CD53: variants seen among roughly 807,000 people sequenced by gnomAD.
CD53 encodes the protein CD53 molecule.
A neutral mutation model predicts 27.3 loss-of-function variants in CD53; 20 were observed. That is an observed-to-expected ratio of 0.73 (90% CI 0.52 to 1.07). The LOEUF (loss-of-function observed/expected upper bound fraction) is 1.07, where lower values mean the gene tolerates loss of function less well. Ranked by LOEUF, CD53 falls within the 50% of genes least tolerant of loss-of-function variation. The pLI, the probability that CD53 is intolerant of heterozygous loss-of-function variation, is 0.00. For synonymous variants in CD53, 106 were observed against 105.3 expected (o/e 1.01, Z -0.04); for missense variants, 216 against 264.0 (o/e 0.82, Z 1.26).
intron 1 of CD53, among the ~76,000 whole-genome samples, chr1:110,883,203 T>C (rs981303425): frequency 1.3e-5 from 2 of 151,996 alleles, no homozygotes; most frequent in South Asian, 4.1e-4. Context: ...CCTTCATAAA[T>C]GCCTTTTATA....
chr1:110,891,309 G>C (rs1656842851), intron 1 of CD53, 83 bp from the exon 2 acceptor site: 9 of 957,544 alleles, frequency 9.4e-6, no homozygotes, highest in Non-Finnish European at 1.5e-5. Flanking sequence ...GGTAATGCTA[G>C]AGATCCCTGA....
intron 6 of CD53, 167 bp from the exon 7 acceptor site, chr1:110,897,642 C>T (rs1386755605): frequency 8.3e-6 from 4 of 479,272 alleles, no homozygotes; most frequent in Non-Finnish European, 1.1e-5. Context: ...TTTAATATTT[C>T]CCACCTTATG....
chr1:110,898,175 A>G (rs1015557227), intron 7 of CD53, among the ~76,000 whole-genome samples: 5 of 152,116 alleles, frequency 3.3e-5, no homozygotes, highest in Non-Finnish European at 5.9e-5. Flanking sequence ...CAGGAGATCA[A>G]GACCATCCTG....
chr1:110,896,598 C>T (rs1479837618), intron 5 of CD53, 55 bp from the exon 6 acceptor site: 2 of 1,546,428 alleles, frequency 1.3e-6, no homozygotes, highest in African/African-American at 2.7e-5. Context: ...AGGTCCACAG[C>T]TTTTTTTCAC....
chr1:110,889,509 G>C (rs1656763059), intron 1 of CD53, among the ~76,000 whole-genome samples: 1 of 152,052 alleles, frequency 6.6e-6, no homozygotes, highest in African/African-American at 2.4e-5. Flanking sequence ...AGTGAGCTGA[G>C]ATCATGCCAC....
chr1:110,889,330 G>T (rs1656753919), intron 1 of CD53, among the ~76,000 whole-genome samples: 1 of 151,910 alleles, frequency 6.6e-6, no homozygotes, highest in Admixed American at 6.6e-5. Context: ...GCTGAGACGG[G>T]TAGATCACCA....
At chr1:110,881,565 A>T (rs534441151) in intron 1 of CD53, among the ~76,000 whole-genome samples, 2 of 152,172 alleles carry the variant, frequency 1.3e-5, no homozygotes, top group Non-Finnish European at 2.9e-5. Context: ...AAAACTATGA[A>T]CCTTCCTGTA....
At chr1:110,883,895 T>C (rs1168700564) in intron 1 of CD53, among the ~76,000 whole-genome samples, 1 of 152,016 alleles carries the variant, frequency 6.6e-6, no homozygotes, top group African/African-American at 2.4e-5. Flanking sequence ...AATCCTAATA[T>C]TGATAATCTT....
intron 1 of CD53, among the ~76,000 whole-genome samples, chr1:110,876,059 A>G (rs992128818): frequency 6.6e-6 from 1 of 152,234 alleles, no homozygotes; most frequent in Non-Finnish European, 1.5e-5. Flanking sequence ...ATCATTTAAA[A>G]TGAGAGTGCT....
chr1:110,894,493 A>G (rs1475131049), intron 4 of CD53, 92 bp downstream of exon 4: 5 of 962,728 alleles, frequency 5.2e-6, no homozygotes, highest in African/African-American at 1.6e-5. Flanking sequence ...AATAAGTTCT[A>G]TAATAGAGAT....
At chr1:110,891,540 T>A in intron 2 of CD53, 69 bp downstream of exon 2, 13 of 1,207,646 alleles carry the variant, frequency 1.1e-5, no homozygotes, top group Non-Finnish European at 1.5e-5. Context: ...ATTCCTCTAC[T>A]GAAGAGGCTG....
intron 1 of CD53, among the ~76,000 whole-genome samples, chr1:110,879,241 C>A (rs1196374947): frequency 2.6e-5 from 4 of 152,072 alleles, no homozygotes; most frequent in African/African-American, 4.8e-5. Flanking sequence ...ACTGAGCCAT[C>A]CTGGAAATAG....
intron 1 of CD53, among the ~76,000 whole-genome samples, chr1:110,884,050 G>T (rs1176188114): frequency 6.6e-6 from 1 of 151,702 alleles, no homozygotes; most frequent in Non-Finnish European, 1.5e-5. Flanking sequence ...ACTTCCTTCT[G>T]CTTATTTTGG....
In CD53 at chr1:110,896,221, C is replaced by T. The variant is rs546961419; in HGVS notation, c.424-432C>T. 3.9e-5 allele frequency among the ~76,000 whole-genome samples: 6 copies of T among 152,282 alleles called. No individual in the cohort carries two copies. In the South Asian group the frequency reaches 1.0e-3, roughly 26 times the overall value. ...CAGGGAGTCTCTGTCTCCCATAAGCCCCATGAACTTAAAAGTTTGATGTGG... is the reference window on the plus strand; with the variant it reads ...CAGGGAGTCTCTGTCTCCCATAAGCTCCATGAACTTAAAAGTTTGATGTGG... On this transcript the variant is annotated intron_variant, in intron 5 of 7. Coordinates refer to ENST00000271324, the MANE Select transcript of CD53 (RefSeq NM_000560.4).
intron 1 of CD53, among the ~76,000 whole-genome samples, chr1:110,889,703 G>A (rs144529029): frequency 5.7e-4 from 87 of 152,128 alleles, no homozygotes; most frequent in African/African-American, 1.5e-3. Context: ...GTGTTGGCCC[G>A]TTTTACATAG....
intron 1 of CD53, among the ~76,000 whole-genome samples, chr1:110,891,092 G>A (rs1180127386): frequency 6.6e-6 from 1 of 152,252 alleles, no homozygotes; most frequent in Non-Finnish European, 1.5e-5. Context: ...TAAAGCACTG[G>A]CCTGGTCTCT....
intron 1 of CD53, among the ~76,000 whole-genome samples, chr1:110,886,432 T>G (rs1213518388): frequency 6.6e-6 from 1 of 152,200 alleles, no homozygotes; most frequent in Non-Finnish European, 1.5e-5. Context: ...TTTTATTTAG[T>G]CATTATTTCT....
At chr1:110,878,792 A>T (rs1656225402) in intron 1 of CD53, among the ~76,000 whole-genome samples, 1 of 152,210 alleles carries the variant, frequency 6.6e-6, no homozygotes, top group African/African-American at 2.4e-5. Context: ...ATTTTCCAAC[A>T]TGTCTTAACA....
chr1:110,897,807 A>T lies in CD53; in HGVS notation c.505-2A>T. On this transcript the variant is annotated splice_acceptor_variant, in intron 6 of 7. Transcript: ENST00000271324. LOFTEE classifies it high-confidence loss of function. Reference sequence around the variant, plus strand: ...ATCATTTGTAACTGAAATGTCTTCTAGGGTTGCTATGCGAAAGCAAGACTG... The same window carrying T: ...ATCATTTGTAACTGAAATGTCTTCTTGGGTTGCTATGCGAAAGCAAGACTG... 6.3e-7 allele frequency: 1 copy of T among 1,586,148 alleles called. No individual in the cohort carries two copies. Among genetic ancestry groups the T allele is most frequent in the Non-Finnish European group, 8.7e-7 (1 of 1,155,248 alleles).
Sources: gnomAD v4.1 joint callset for allele counts (sites outside exome capture counted in the v4.1 genomes callset) on GRCh38, gnomAD v4.1.1 for gene constraint, MANE v1.5 for transcripts, NCBI Gene and HGNC (gene_info 2026-07-23, HGNC 2026-07-21) for gene names.